Variants in NKAIN2 observed in about 807,000 individuals in gnomAD.
The protein encoded by NKAIN2 is sodium/potassium-transporting ATPase subunit beta-1-interacting protein 2.
A neutral mutation model predicts 32.6 loss-of-function variants in NKAIN2; 14 were observed. The observed-to-expected ratio is 0.43, with a 90% CI of 0.28 to 0.67. The LOEUF (loss-of-function observed/expected upper bound fraction) is 0.67, where lower values mean the gene tolerates loss of function less well. NKAIN2 is among the 30% of genes least tolerant of loss of function. The pLI is 0.17. For missense variants in NKAIN2, 198 were observed against 258.3 expected, an observed-to-expected ratio of 0.77 and a Z score of 1.60; for synonymous variants, 80 against 87.2, an observed-to-expected ratio of 0.92 and a Z score of 0.46.
intron 3 of NKAIN2, among the ~76,000 whole-genome samples, chr6:124,555,355 C>T (rs1206494863): frequency 1.3e-5 from 2 of 152,164 alleles, no homozygotes; most frequent in African/African-American, 4.8e-5. Context: ...GTCTCACAAT[C>T]CCCAGAGCTG....
chr6:123,890,186 A>G (rs1298100848), intron 1 of NKAIN2, among the ~76,000 whole-genome samples: 1 of 151,994 alleles, frequency 6.6e-6, no homozygotes, highest in Admixed American at 6.6e-5. Context: ...CCTTGGTTGG[A>G]TGATTTTGCA....
intron 3 of NKAIN2, among the ~76,000 whole-genome samples, chr6:124,510,993 T>C (rs1778688977): frequency 6.6e-6 from 1 of 152,190 alleles, no homozygotes; most frequent in African/African-American, 2.4e-5. Context: ...TAGTGTGTTA[T>C]TGGAAGACCT....
At chr6:123,986,464 A>AC (rs1248911357) in intron 1 of NKAIN2, among the ~76,000 whole-genome samples, 2 of 152,132 alleles carry the variant, frequency 1.3e-5, no homozygotes, top group East Asian at 1.9e-4. Context: ...GATCTGGTAA[A>AC]TGACTGTTGG....
intron 3 of NKAIN2, among the ~76,000 whole-genome samples, chr6:124,637,013 T>C (rs899238652): frequency 2.0e-5 from 3 of 151,988 alleles, no homozygotes; most frequent in Non-Finnish European, 2.9e-5. Context: ...AAACTGAATA[T>C]AACATTACAT....
intron 1 of NKAIN2, among the ~76,000 whole-genome samples, chr6:123,933,257 T>C (rs926274497): frequency 3.9e-5 from 6 of 152,214 alleles, no homozygotes; most frequent in African/African-American, 9.7e-5. Context: ...TAATGTTGCA[T>C]TAAGAAAAAT....
At chr6:124,108,830 C>A (rs1785237637) in intron 1 of NKAIN2, among the ~76,000 whole-genome samples, 1 of 151,982 alleles carries the variant, frequency 6.6e-6, no homozygotes, top group Admixed American at 6.6e-5. Context: ...GCAATCTTGT[C>A]AAAGATCAGT....
At chr6:124,559,834 ATTTTTTTTTTTTTT>A (rs55701016) in intron 3 of NKAIN2, among the ~76,000 whole-genome samples, 2 of 73,762 alleles carry the variant, frequency 2.7e-5, no homozygotes, top group African/African-American at 5.4e-5. Flanking sequence ...GAAATAAACC[ATTTTTTTTTTTTTT>A]TTTTTTTTTT....
intron 3 of NKAIN2, among the ~76,000 whole-genome samples, chr6:124,638,429 A>C (rs921995647): frequency 6.6e-6 from 1 of 152,222 alleles, no homozygotes; most frequent in African/African-American, 2.4e-5. Context: ...GTCAGACTAA[A>C]AGCCTTCTGA....
chr6:124,159,331 G>A (rs1788153008), intron 1 of NKAIN2, among the ~76,000 whole-genome samples: 1 of 152,066 alleles, frequency 6.6e-6, no homozygotes, highest in African/African-American at 2.4e-5. Flanking sequence ...TATTTTGATT[G>A]CGATGGGGTA....
chr6:124,320,692 C>G (rs1365468090), intron 2 of NKAIN2, among the ~76,000 whole-genome samples: 1 of 152,144 alleles, frequency 6.6e-6, no homozygotes, highest in African/African-American at 2.4e-5. Context: ...GCCAGCATGG[C>G]AAGAATGTAG....
chr6:124,329,304 A>G (rs887223281), intron 2 of NKAIN2, among the ~76,000 whole-genome samples: 2 of 152,194 alleles, frequency 1.3e-5, no homozygotes, highest in African/African-American at 4.8e-5. Context: ...GGTGCCAAAC[A>G]TATTCTTTTC....
intron 1 of NKAIN2, among the ~76,000 whole-genome samples, chr6:124,190,556 T>C (rs1338849334): frequency 1.3e-5 from 2 of 152,226 alleles, no homozygotes; most frequent in Non-Finnish European, 2.9e-5. Flanking sequence ...GCTCTATAAT[T>C]GGCATTTAAA....
chr6:124,181,633 C>T (rs939992260), intron 1 of NKAIN2, among the ~76,000 whole-genome samples: 1 of 152,186 alleles, frequency 6.6e-6, no homozygotes. Context: ...TACCCTAAAT[C>T]ATCTTTCTCA....
intron 1 of NKAIN2, among the ~76,000 whole-genome samples, chr6:124,005,517 G>A (rs1780042257): frequency 6.6e-6 from 1 of 151,860 alleles, no homozygotes; most frequent in Admixed American, 6.6e-5. Context: ...CATCCCCTAG[G>A]TTTGAAATAA....
chr6:124,275,998 A>G (rs964839752), intron 1 of NKAIN2, among the ~76,000 whole-genome samples: 1 of 152,082 alleles, frequency 6.6e-6, no homozygotes, highest in Non-Finnish European at 1.5e-5. Context: ...CTGTAGTCAC[A>G]TAGTGGTTAG....
At chr6:124,113,677 C>T (rs1397587832) in intron 1 of NKAIN2, among the ~76,000 whole-genome samples, 2 of 152,118 alleles carry the variant, frequency 1.3e-5, no homozygotes, top group Non-Finnish European at 2.9e-5. Flanking sequence ...GGGATCCAAG[C>T]CCTTACCTCC....
chr6:123,851,018 G>C (rs1452523153), intron 1 of NKAIN2, among the ~76,000 whole-genome samples: 1 of 151,830 alleles, frequency 6.6e-6, no homozygotes, highest in East Asian at 1.9e-4. Flanking sequence ...TAAATAATAG[G>C]ATTTCTTTCT....
intron 2 of NKAIN2, among the ~76,000 whole-genome samples, chr6:124,325,665 T>A (rs1052129858): frequency 2.6e-5 from 4 of 152,126 alleles, no homozygotes; most frequent in African/African-American, 9.7e-5. Context: ...GTTCCATCTA[T>A]ATGAAGTTCT....
intron 1 of NKAIN2, among the ~76,000 whole-genome samples, chr6:123,876,033 A>G (rs4895933): frequency 0.25 from 37,900 of 151,868 alleles, 5,239 homozygotes; most frequent in East Asian, 0.49. Flanking sequence ...ATATGTGTAT[A>G]TACACACCCA....
Sources: gnomAD v4.1 joint callset for allele counts (sites outside exome capture counted in the v4.1 genomes callset) on GRCh38, gnomAD v4.1.1 for gene constraint, MANE v1.5 for transcripts, NCBI Gene and HGNC (gene_info 2026-07-23, HGNC 2026-07-21) for gene names.